Variants in TPX2 observed in about 807,000 individuals in gnomAD.
The protein encoded by TPX2 is TPX2 microtubule nucleation factor.
A neutral mutation model predicts 93.6 loss-of-function variants in TPX2; 21 were observed. That is an observed-to-expected ratio of 0.22 (90% confidence interval 0.16 to 0.32). The LOEUF is 0.32. Ranked by LOEUF, TPX2 falls within the 10% of genes least tolerant of loss-of-function variation. TPX2 has a pLI of 1.00. For missense variants in TPX2, 776 were observed against 871.1 expected, an observed-to-expected ratio of 0.89 and a Z score of 1.37; for synonymous variants, 281 against 298.3, an observed-to-expected ratio of 0.94 and a Z score of 0.60.
In TPX2 at chr20:31,741,346, C is replaced by G. The variant is rs571453532; in HGVS notation, c.-177-1195C>G. Among the ~76,000 whole-genome samples the G allele has an allele frequency of 5.7e-4, 85 of 149,050 alleles. No homozygotes were observed. The South Asian group carries it at 0.014, about 24-fold the overall frequency. ...TTTTTTTTTGAGACGGAGTCTCACT[C>G]TGTCGCCCAGGCTGGAGTGCAGTGG... is the stretch of plus-strand genomic sequence containing the variant. On this transcript the variant is annotated intron_variant, in intron 1 of 17. Coordinates refer to ENST00000300403, the MANE Select transcript of TPX2 (RefSeq NM_012112.5).
intron 15 of TPX2, among the ~76,000 whole-genome samples, chr20:31,795,838 G>GA (rs1487362682): frequency 1.3e-5 from 2 of 152,164 alleles, no homozygotes; most frequent in East Asian, 1.9e-4. Flanking sequence ...TACGTGGCTG[G>GA]AAAAAATTTC....
chr20:31,771,698 G>A lies in TPX2; in HGVS notation c.608+16G>A, dbSNP rs756487114. On this transcript the variant is annotated intron_variant, in intron 7 of 17. Transcript: ENST00000300403. ...CACCTGCAAAGTAAGTTTCTTTCCT[G>A]AATTTAAACTTTAGAATGAATGGTA... is the stretch of plus-strand genomic sequence containing the variant. The A allele has an allele frequency of 6.9e-6, 11 of 1,597,084 alleles. No individual in the cohort carries two copies. The highest frequency in any genetic ancestry group is 1.8e-5 in the Admixed American group (1 of 54,788).
At chr20:31,749,284 A>G (rs1206034661) in intron 2 of TPX2, among the ~76,000 whole-genome samples, 2 of 152,186 alleles carry the variant, frequency 1.3e-5, no homozygotes, top group Non-Finnish European at 1.5e-5. Flanking sequence ...GTGGATAAGA[A>G]CACCACCTTC....
At chr20:31,750,248 C>T (rs1001287312) in intron 2 of TPX2, among the ~76,000 whole-genome samples, 3 of 152,036 alleles carry the variant, frequency 2.0e-5, no homozygotes, top group South Asian at 2.1e-4. Flanking sequence ...ACCTCCACCC[C>T]CCAGGTTCAA....
chr20:31,789,962 G>A (rs2123078753), intron 12 of TPX2, among the ~76,000 whole-genome samples: 1 of 152,290 alleles, frequency 6.6e-6, no homozygotes. Context: ...AAACCCCAAG[G>A]CCTAGAAGGA....
chr20:31,752,662 G>A (rs2061826696), intron 2 of TPX2, among the ~76,000 whole-genome samples: 1 of 152,034 alleles, frequency 6.6e-6, no homozygotes, highest in Admixed American at 6.6e-5. Context: ...TGCCCAGGCT[G>A]GATGCGGTGG....
chr20:31,760,825 T>C (rs2061885194), intron 4 of TPX2, among the ~76,000 whole-genome samples: 1 of 152,230 alleles, frequency 6.6e-6, no homozygotes, highest in South Asian at 2.1e-4. Flanking sequence ...TTTTAAAAGA[T>C]GATGGATCGC....
In TPX2 at chr20:31,775,926, A is replaced by G; in HGVS notation, c.668A>G (p.Gln223Arg). The change falls in exon 8 of 18, where the codon CAA (glutamine) becomes CGA (arginine). Residue 223 changes from glutamine to arginine, a missense_variant. Physicochemically the swap from Gln to Arg is conservative, Grantham distance 43. Coordinates refer to ENST00000300403, the MANE Select transcript of TPX2 (RefSeq NM_012112.5). ...QELEKSMKMQQEVVEMRKKNE... is the reference protein window; with the variant it reads ...QELEKSMKMQREVVEMRKKNE... ...CTGGAGAAGAGTATGAAAATGCAGC[A>G]AGAGGTGGTGGAGATGCGGAAAAAG... 6.2e-7 allele frequency: 1 copy of G among 1,606,598 alleles called. No homozygotes were observed. Among genetic ancestry groups the G allele is most frequent in the Non-Finnish European group, 8.5e-7 (1 of 1,175,766 alleles).
intron 17 of TPX2, among the ~76,000 whole-genome samples, chr20:31,799,661 A>T (rs2062158041): frequency 1.3e-5 from 2 of 152,188 alleles, no homozygotes; most frequent in South Asian, 4.1e-4. Flanking sequence ...GCACTATGGG[A>T]GGCCCAGGTG....
chr20:31,796,545 T>G (rs192618525), intron 15 of TPX2, among the ~76,000 whole-genome samples: 13 of 152,362 alleles, frequency 8.5e-5, no homozygotes, highest in Admixed American at 3.3e-4. Flanking sequence ...CTCTTTGCAT[T>G]TTATTTGTTG....
chr20:31,766,706 G>A, intron 5 of TPX2, 24 bp downstream of exon 5: 1 of 1,604,492 alleles, frequency 6.2e-7, no homozygotes. Flanking sequence ...ATCTCAAAGT[G>A]GTGGTTATGA....
intron 2 of TPX2, among the ~76,000 whole-genome samples, chr20:31,747,922 T>C (rs1416635596): frequency 6.6e-6 from 1 of 152,096 alleles, no homozygotes; most frequent in Non-Finnish European, 1.5e-5. Flanking sequence ...CACTAGGCCC[T>C]GTGGACTTTA....
rs1458345859 is a variant in TPX2 at position 31,795,092 on chromosome 20, A to G, written c.1833+544A>G. ...CGCCTCGGCTTCCCGAAGTGCTGGGATTACAGGTGTGAGCCACCACACCCA... is the reference window on the plus strand; with the variant it reads ...CGCCTCGGCTTCCCGAAGTGCTGGGGTTACAGGTGTGAGCCACCACACCCA... On this transcript the variant is annotated intron_variant, in intron 15 of 17. Transcript: ENST00000300403. Among the ~76,000 whole-genome samples, 9 of 151,628 alleles carry G rather than the reference A, an allele frequency of 5.9e-5. 1 individual carries two copies. In the East Asian group the frequency reaches 1.8e-3, roughly 30 times the overall value.
chr20:31,776,055 T>G (rs960455084), intron 8 of TPX2, 67 bp downstream of exon 8: 25 of 363,066 alleles, frequency 6.9e-5, no homozygotes, highest in East Asian at 1.3e-4. Flanking sequence ...TAGGTGTTTT[T>G]TTTTTTTTTT....
chr20:31,779,194 T>C (rs1190237992), intron 10 of TPX2, among the ~76,000 whole-genome samples: 9 of 152,206 alleles, frequency 5.9e-5, no homozygotes, highest in Admixed American at 1.3e-4. Context: ...ATCCTCCTCA[T>C]CAATAATTGG....
rs769811831 is a variant in TPX2, at chr20:31,778,956, T to C, written c.1026T>C (p.Tyr342=). ...EDFHKRTPNR[Y]HLRSKKDDIN... Reference sequence around the variant, plus strand: ...TCCATAAACGAACCCCTAACAGATATCATTTGAGGAGCAAGAAGGATGATA... The same window carrying C: ...TCCATAAACGAACCCCTAACAGATACCATTTGAGGAGCAAGAAGGATGATA... Residue 342 remains tyrosine, a synonymous_variant, in exon 10 of 18, where the codon TAT becomes TAC. Coordinates refer to ENST00000300403, the MANE Select transcript of TPX2 (RefSeq NM_012112.5). 5.0e-6 allele frequency: 8 copies of C among 1,601,156 alleles called. No homozygotes were observed. Among genetic ancestry groups the C allele is most frequent in the South Asian group, 4.5e-5 (4 of 88,426 alleles).
chr20:31,754,538 C>T (rs1025621832), intron 2 of TPX2, among the ~76,000 whole-genome samples: 2 of 152,124 alleles, frequency 1.3e-5, no homozygotes, highest in South Asian at 2.1e-4. Context: ...GCTGCAGTGC[C>T]CAGAGTTGGG....
At chr20:31,750,886 G>A (rs1381877165) in intron 2 of TPX2, among the ~76,000 whole-genome samples, 1 of 152,124 alleles carries the variant, frequency 6.6e-6, no homozygotes, top group East Asian at 1.9e-4. Flanking sequence ...AATAAATACT[G>A]CTTAACTATT....
chr20:31,791,924 A>G (rs1227631560), intron 12 of TPX2, among the ~76,000 whole-genome samples: 1 of 152,248 alleles, frequency 6.6e-6, no homozygotes, highest in Non-Finnish European at 1.5e-5. Flanking sequence ...GTGATAGAAT[A>G]TAAACTCTGT....
Sources: gnomAD v4.1 joint callset for allele counts (sites outside exome capture counted in the v4.1 genomes callset) on GRCh38, gnomAD v4.1.1 for gene constraint, MANE v1.5 for transcripts, NCBI Gene and HGNC (gene_info 2026-07-23, HGNC 2026-07-21) for gene names.